Variants in KCNAB1 observed in about 807,000 individuals in gnomAD.
KCNAB1 encodes potassium voltage-gated channel subfamily A regulatory beta subunit 1.
KCNAB1 carries 35 observed loss-of-function variants against 64.6 expected under a neutral mutation model. The observed-to-expected ratio is 0.54, with a 90% confidence interval of 0.41 to 0.72. The LOEUF (loss-of-function observed/expected upper bound fraction) is 0.72, where lower values mean the gene tolerates loss of function less well. Ranked by LOEUF, KCNAB1 falls within the 30% of genes least tolerant of loss-of-function variation. The pLI, the probability that KCNAB1 is intolerant of heterozygous loss-of-function variation, is 0.00. For synonymous variants in KCNAB1, 177 were observed against 183.8 expected (o/e 0.96, Z 0.30); for missense variants, 401 against 512.9 (o/e 0.78, Z 2.11).
intron 1 of KCNAB1, among the ~76,000 whole-genome samples, chr3:156,343,901 G>A (rs1724305672): frequency 6.6e-6 from 1 of 152,198 alleles, no homozygotes; most frequent in Non-Finnish European, 1.5e-5. Context: ...GATCCAATTT[G>A]ACACATTTGG....
intron 1 of KCNAB1, among the ~76,000 whole-genome samples, chr3:156,220,985 A>G (rs1019688353): frequency 1.3e-5 from 2 of 152,212 alleles, no homozygotes; most frequent in African/African-American, 2.4e-5. Flanking sequence ...TCCTTTCCCC[A>G]TTGCTTGTTT....
At chr3:156,143,159 C>T in intron 1 of KCNAB1, 1 of 1,567,298 alleles carries the variant, frequency 6.4e-7, no homozygotes, top group Non-Finnish European at 8.6e-7. Flanking sequence ...ATTAGCTTTG[C>T]TTCCTTGGGT....
At chr3:156,133,910 GT>G (rs201871181) in intron 1 of KCNAB1, among the ~76,000 whole-genome samples, 51 of 145,270 alleles carry the variant, frequency 3.5e-4, no homozygotes, top group African/African-American at 7.3e-4. Flanking sequence ...GTTGACTTTT[GT>G]TTTTTTTTTT....
intron 1 of KCNAB1, among the ~76,000 whole-genome samples, chr3:156,272,080 T>C (rs981346264): frequency 1.3e-5 from 2 of 152,252 alleles, no homozygotes; most frequent in African/African-American, 4.8e-5. Flanking sequence ...CTGTGTGAGC[T>C]GTGTGGAGCT....
chr3:156,506,926 A>G (rs1378467129), intron 8 of KCNAB1, among the ~76,000 whole-genome samples: 1 of 152,180 alleles, frequency 6.6e-6, no homozygotes, highest in Non-Finnish European at 1.5e-5. Flanking sequence ...AGTCATTTAT[A>G]CTCATCATGA....
chr3:156,484,538 C>T (rs1035359564), intron 8 of KCNAB1, among the ~76,000 whole-genome samples: 1 of 152,016 alleles, frequency 6.6e-6, no homozygotes, highest in African/African-American at 2.4e-5. Flanking sequence ...AATTTAACTC[C>T]ATATTCTGAG....
chr3:156,194,961 G>C (rs1961022), intron 1 of KCNAB1, among the ~76,000 whole-genome samples: 1 of 152,064 alleles, frequency 6.6e-6, no homozygotes, highest in East Asian at 1.9e-4. Context: ...ACAGGCCCGG[G>C]TATGTGATGT....
chr3:156,492,853 GAA>G (rs1715733258), intron 8 of KCNAB1, among the ~76,000 whole-genome samples: 1 of 152,106 alleles, frequency 6.6e-6, no homozygotes, highest in East Asian at 1.9e-4. Context: ...ATATTATTGA[GAA>G]ATACAGAGCT....
intron 1 of KCNAB1, among the ~76,000 whole-genome samples, chr3:156,327,432 G>T (rs573914520): frequency 6.6e-6 from 1 of 152,004 alleles, no homozygotes; most frequent in Non-Finnish European, 1.5e-5. Flanking sequence ...GCTAATATTA[G>T]CATCATACTT....
At chr3:156,143,222 A>G (rs776411088) in intron 1 of KCNAB1, 3 of 1,613,728 alleles carry the variant, frequency 1.9e-6, no homozygotes, top group South Asian at 1.1e-5. Flanking sequence ...CCGAGCCCCA[A>G]GCTGGGTCTG....
intron 1 of KCNAB1, among the ~76,000 whole-genome samples, chr3:156,280,135 G>C (rs1402492526): frequency 6.8e-6 from 1 of 146,866 alleles, no homozygotes; most frequent in Non-Finnish European, 1.5e-5. Context: ...ATCTTGAATT[G>C]ATTTTTGTAT....
At chr3:156,402,775 T>C (rs1713993596) in intron 1 of KCNAB1, among the ~76,000 whole-genome samples, 1 of 152,242 alleles carries the variant, frequency 6.6e-6, no homozygotes, top group Admixed American at 6.5e-5. Flanking sequence ...AACTAATCAC[T>C]GTTGAAGGCT....
At chr3:156,500,005 T>C (rs16826321) in intron 8 of KCNAB1, among the ~76,000 whole-genome samples, 29,289 of 152,136 alleles carry the variant, frequency 0.19, 2,895 homozygotes, top group Middle Eastern at 0.26. Context: ...AGATTGCCAG[T>C]TGACCCAGAG....
At chr3:156,479,703 C>A (rs935649198) in intron 8 of KCNAB1, among the ~76,000 whole-genome samples, 1 of 152,110 alleles carries the variant, frequency 6.6e-6, no homozygotes, top group Admixed American at 6.5e-5. Flanking sequence ...GTTGCCAAGA[C>A]TGATTATTCT....
At chr3:156,364,937 G>A (rs540299813) in intron 1 of KCNAB1, among the ~76,000 whole-genome samples, 1 of 152,182 alleles carries the variant, frequency 6.6e-6, no homozygotes, top group African/African-American at 2.4e-5. Context: ...GGTCCTAGGA[G>A]AGATGACATC....
intron 2 of KCNAB1, among the ~76,000 whole-genome samples, chr3:156,434,255 A>G (rs1486622644): frequency 6.6e-6 from 1 of 152,226 alleles, no homozygotes; most frequent in African/African-American, 2.4e-5. Flanking sequence ...CACCATGGTC[A>G]CAGTGCAGAT....
intron 1 of KCNAB1, among the ~76,000 whole-genome samples, chr3:156,211,424 C>T (rs1256873090): frequency 6.6e-6 from 1 of 152,158 alleles, no homozygotes; most frequent in Admixed American, 6.5e-5. Context: ...GGTTGGATTT[C>T]TGGGTAATCA....
rs372981484 is a variant in KCNAB1, at chr3:156,498,696, C to T, written c.659-15668C>T. Among the ~76,000 whole-genome samples the T allele has an allele frequency of 2.5e-4, 38 of 152,280 alleles. No individual in the cohort carries two copies. In the South Asian group the frequency reaches 6.2e-3, roughly 25 times the overall value. ...TAACAGTGGAAAGAATATCCAACAC[C>T]GTAGATATCTCAGTTGGTTCAGTTT... is the stretch of plus-strand genomic sequence containing the variant. On this transcript the variant is annotated intron_variant, in intron 8 of 13. Transcript: ENST00000490337.
At chr3:156,218,794 A>AT (rs1418073824) in intron 1 of KCNAB1, among the ~76,000 whole-genome samples, 3 of 80,718 alleles carry the variant, frequency 3.7e-5, no homozygotes, top group African/African-American at 1.6e-4. Flanking sequence ...AGCAAAAAAA[A>AT]AAAAAAAAAT....
Sources: allele counts gnomAD v4.1 joint callset (sites outside exome capture counted in the v4.1 genomes callset), GRCh38; gene constraint gnomAD v4.1.1; transcripts MANE v1.5; gene names NCBI Gene and HGNC (gene_info 2026-07-23, HGNC 2026-07-21).